Variants in PTBP3 observed in about 807,000 individuals in gnomAD.
PTBP3 encodes polypyrimidine tract binding protein 3.
In PTBP3, 20 loss-of-function variants were observed where a neutral mutation model predicts 58.7. The observed-to-expected ratio is 0.34, with a 90% CI of 0.24 to 0.50. The LOEUF (loss-of-function observed/expected upper bound fraction) is 0.50. Ranked by LOEUF, PTBP3 falls within the 20% of genes least tolerant of loss-of-function variation. The pLI is 0.98. For synonymous variants in PTBP3, 185 were observed against 219.8 expected (o/e 0.84, Z 1.40); for missense variants, 509 against 637.2 (o/e 0.80, Z 2.17).
At chr9:112,359,059 C>A in the PTBP3 span, among the ~76,000 whole-genome samples, 1 of 152,110 alleles carries the variant, frequency 6.6e-6, no homozygotes, top group African/African-American at 2.4e-5. Context: ...TGGTCTCAAA[C>A]GCCAGGACTC....
the PTBP3 span, among the ~76,000 whole-genome samples, chr9:112,367,535 T>C: frequency 3.7e-3 from 556 of 152,298 alleles, 2 homozygotes; most frequent in African/African-American, 0.013. Context: ...GTATTGTTAG[T>C]TGGCAGGTAT....
At chr9:112,258,722 C>T (rs1589832943) in intron 5 of PTBP3, among the ~76,000 whole-genome samples, 1 of 152,154 alleles carries the variant, frequency 6.6e-6, no homozygotes, top group Admixed American at 6.5e-5. Context: ...AATATATCCA[C>T]AGAAGCCTGT....
intron 3 of PTBP3, among the ~76,000 whole-genome samples, chr9:112,271,970 T>C (rs888033026): frequency 1.3e-5 from 2 of 152,160 alleles, no homozygotes; most frequent in African/African-American, 4.8e-5. Flanking sequence ...CAAAAGCCCC[T>C]TGACATTTAT....
At chr9:112,334,166 T>C (rs1454797884), upstream of PTBP3, among the ~76,000 whole-genome samples, 1 of 152,020 alleles carries the variant, frequency 6.6e-6, no homozygotes, top group African/African-American at 2.4e-5. Context: ...AGTCGACCGC[T>C]GGGACCGACA....
At chr9:112,228,290 T>C in intron 11 of PTBP3, 90 bp downstream of exon 11, 2 of 852,226 alleles carry the variant, frequency 2.3e-6, no homozygotes, top group South Asian at 2.0e-5. Context: ...TTTTGTAAAA[T>C]CATATTCCTA....
the PTBP3 span, among the ~76,000 whole-genome samples, chr9:112,355,058 C>A: frequency 3.2e-3 from 490 of 152,214 alleles, 2 homozygotes; most frequent in African/African-American, 0.01. Flanking sequence ...GGAAATATCT[C>A]CAAGGGAACT....
chr9:112,314,901 G>A (rs949367038), intron 1 of PTBP3, among the ~76,000 whole-genome samples: 1 of 148,704 alleles, frequency 6.7e-6, no homozygotes, highest in African/African-American at 2.5e-5. Context: ...GCGCGATCTC[G>A]GCTCACTGCA....
intron 1 of PTBP3, among the ~76,000 whole-genome samples, chr9:112,319,143 A>G (rs1829821646): frequency 6.7e-6 from 1 of 149,352 alleles, no homozygotes; most frequent in Non-Finnish European, 1.5e-5. Flanking sequence ...AAAAAAAAAA[A>G]AGAAAGAAAA....
At chr9:112,335,837 A>C (rs1282600667), upstream of PTBP3, among the ~76,000 whole-genome samples, 2 of 147,934 alleles carry the variant, frequency 1.4e-5, no homozygotes, top group Non-Finnish European at 3.0e-5. Context: ...AGACAGGAGA[A>C]TCTCAACCCG....
the PTBP3 span, among the ~76,000 whole-genome samples, chr9:112,354,894 T>C: frequency 6.6e-6 from 1 of 152,208 alleles, no homozygotes; most frequent in Non-Finnish European, 1.5e-5. Context: ...TAAAGTTACA[T>C]TGATTATAGG....
intron 2 of PTBP3, among the ~76,000 whole-genome samples, chr9:112,290,129 T>A (rs558686239): frequency 2.0e-5 from 3 of 152,270 alleles, no homozygotes; most frequent in African/African-American, 7.2e-5. Context: ...AATTTGTAAA[T>A]TATAGTGTCA....
chr9:112,312,247 CTAAGGCAGGAGGATCACT>C, intron 1 of PTBP3, among the ~76,000 whole-genome samples: 1 of 152,104 alleles, frequency 6.6e-6, no homozygotes, highest in Middle Eastern at 3.4e-3. Flanking sequence ...AGTGGGGAAG[CTAAGGCAGGAGGATCACT>C]TAAGGCCACG....
chr9:112,258,841 A>G (rs1054843557), intron 5 of PTBP3, among the ~76,000 whole-genome samples: 2 of 152,114 alleles, frequency 1.3e-5, no homozygotes, highest in Non-Finnish European at 2.9e-5. Flanking sequence ...CCCTATCTCT[A>G]ATTTTAAAAA....
chr9:112,266,367 T>TTAA (rs752226582), intron 4 of PTBP3, among the ~76,000 whole-genome samples: 4 of 152,210 alleles, frequency 2.6e-5, no homozygotes, highest in Non-Finnish European at 5.9e-5. Context: ...ACATAAGATA[T>TTAA]TATTACTCAT....
At chr9:112,320,274 T>A (rs1829863268) in intron 1 of PTBP3, among the ~76,000 whole-genome samples, 1 of 53,302 alleles carries the variant, frequency 1.9e-5, no homozygotes, top group South Asian at 8.3e-4. Context: ...CGAGACCCTT[T>A]CTCTTAAAAA....
At chr9:112,275,620 A>G (rs1201636048) in intron 3 of PTBP3, among the ~76,000 whole-genome samples, 1 of 152,218 alleles carries the variant, frequency 6.6e-6, no homozygotes, top group Admixed American at 6.5e-5. Context: ...TTTGTGTCTT[A>G]AGAAGAAAAA....
At chr9:112,322,270 A>C (rs532372393) in intron 1 of PTBP3, among the ~76,000 whole-genome samples, 8 of 152,310 alleles carry the variant, frequency 5.3e-5, no homozygotes, top group African/African-American at 1.9e-4. Context: ...GTTTTCAAAA[A>C]ACTTTACTTA....
chr9:112,346,602 T>C, the PTBP3 span, among the ~76,000 whole-genome samples: 1 of 152,238 alleles, frequency 6.6e-6, no homozygotes, highest in Non-Finnish European at 1.5e-5. Context: ...GACTTACAAA[T>C]TAAAGGGAAA....
At chr9:112,269,066 G>A (rs1055704901) in intron 3 of PTBP3, among the ~76,000 whole-genome samples, 9 of 151,708 alleles carry the variant, frequency 5.9e-5, no homozygotes, top group Non-Finnish European at 8.8e-5. Flanking sequence ...AATGATTGTC[G>A]GGTGCCTGTA....
Sources: gnomAD v4.1 joint callset for allele counts (sites outside exome capture counted in the v4.1 genomes callset) on GRCh38, gnomAD v4.1.1 for gene constraint, MANE v1.5 for transcripts, NCBI Gene and HGNC (gene_info 2026-07-23, HGNC 2026-07-21) for gene names.